The following ATP8A2 variants were observed in gnomAD, a reference collection of about 807,000 sequenced individuals.
The protein encoded by ATP8A2 is ATPase phospholipid transporting 8A2.
ATP8A2 carries 100 observed loss-of-function variants against 165.6 expected under a neutral mutation model. The observed-to-expected ratio is 0.60, with a 90% CI of 0.51 to 0.71. The LOEUF is 0.71. Among genes scored for constraint, ATP8A2 ranks in the 30% least tolerant of loss-of-function variants. The probability of loss-of-function intolerance (pLI) is 0.00; values close to 1 mark genes in which losing one functional copy is unlikely to be tolerated. For missense variants in ATP8A2, 1,227 were observed against 1,479.5 expected (o/e 0.83, Z 2.80); for synonymous variants, 543 against 548.8 (o/e 0.99, Z 0.15).
intron 34 of ATP8A2, among the ~76,000 whole-genome samples, chr13:25,963,464 G>T (rs1353058924): frequency 1.3e-5 from 2 of 151,828 alleles, no homozygotes; most frequent in African/African-American, 2.4e-5. Context: ...TCTGTTATTT[G>T]CTCTTTCAGC....
chr13:25,650,794 C>T (rs1412582268), intron 24 of ATP8A2, among the ~76,000 whole-genome samples: 1 of 152,098 alleles, frequency 6.6e-6, no homozygotes, highest in Non-Finnish European at 1.5e-5. Context: ...GAACTACATT[C>T]AATAATTTCC....
chr13:25,867,038 T>C (rs55934232), intron 33 of ATP8A2, among the ~76,000 whole-genome samples: 2,158 of 152,204 alleles, frequency 0.014, 31 homozygotes, highest in Non-Finnish European at 0.022. Context: ...TCATTGCTAG[T>C]AAGAGAGGGG....
In ATP8A2 at chr13:25,705,153, T is replaced by G. The variant is rs1472805235; in HGVS notation, c.2384+5808T>G. The G allele has an allele frequency of 2.3e-5, 10 of 433,796 alleles. 1 individual carries two copies. Among genetic ancestry groups the G allele is most frequent in the South Asian group, 1.7e-4 (10 of 60,014 alleles). The allele number at this position is 433,796 out of a possible 1,614,324, so 26.9% of individuals were successfully genotyped here. On this transcript the variant is annotated intron_variant, in intron 25 of 36. Transcript: ENST00000381655. ...CTTCCCCCTTTCTCATTTTCCCTTTTTCTTTGAAGGTCTTTATTTTTGTCC... is the reference window on the plus strand; with the variant it reads ...CTTCCCCCTTTCTCATTTTCCCTTTGTCTTTGAAGGTCTTTATTTTTGTCC...
At chr13:25,436,389 A>C (rs529664700) in intron 1 of ATP8A2, among the ~76,000 whole-genome samples, 10 of 152,194 alleles carry the variant, frequency 6.6e-5, no homozygotes, top group Non-Finnish European at 1.5e-4. Flanking sequence ...TGGTTAATTC[A>C]CTTCAGATAA....
At chr13:25,479,802 TG>T (rs2036107220) in intron 2 of ATP8A2, among the ~76,000 whole-genome samples, 1 of 151,948 alleles carries the variant, frequency 6.6e-6, no homozygotes, top group Non-Finnish European at 1.5e-5. Flanking sequence ...AGCACAGGGT[TG>T]GGGGGTAAGG....
At chr13:25,996,898 G>A (rs905949698) in intron 35 of ATP8A2, among the ~76,000 whole-genome samples, 1 of 152,320 alleles carries the variant, frequency 6.6e-6, no homozygotes, top group African/African-American at 2.4e-5. Context: ...TAGCCAGGCT[G>A]GTCTCGAACT....
intron 2 of ATP8A2, among the ~76,000 whole-genome samples, chr13:25,494,087 G>A (rs1293775156): frequency 1.3e-5 from 2 of 152,064 alleles, no homozygotes; most frequent in Admixed American, 1.3e-4. Context: ...CGGAGAGTTT[G>A]AGGAGAGAGA....
At chr13:25,613,807 A>G (rs911067781) in intron 24 of ATP8A2, among the ~76,000 whole-genome samples, 1 of 152,148 alleles carries the variant, frequency 6.6e-6, no homozygotes, top group Admixed American at 6.5e-5. Context: ...CTACTTGTTC[A>G]ATTCTGTTGC....
At chr13:25,399,559 C>T (rs112725810) in intron 1 of ATP8A2, among the ~76,000 whole-genome samples, 27 of 21,758 alleles carry the variant, frequency 1.2e-3, no homozygotes, top group African/African-American at 1.4e-3. Context: ...CCACCACGCC[C>T]GGCTAATTTT....
At chr13:25,469,218 C>G in intron 2 of ATP8A2, 97 bp downstream of exon 2, 2 of 1,441,330 alleles carry the variant, frequency 1.4e-6, no homozygotes, top group Non-Finnish European at 1.9e-6. Flanking sequence ...ACCTGGCCGG[C>G]CCCCGTCCAT....
intron 25 of ATP8A2, among the ~76,000 whole-genome samples, chr13:25,737,743 C>T (rs953141799): frequency 1.6e-4 from 24 of 152,154 alleles, no homozygotes; most frequent in Admixed American, 5.9e-4. Context: ...AGTGCAGTAG[C>T]GCGATCTCAG....
intron 33 of ATP8A2, among the ~76,000 whole-genome samples, chr13:25,941,946 C>T (rs1388889340): frequency 6.6e-6 from 1 of 152,194 alleles, no homozygotes; most frequent in Non-Finnish European, 1.5e-5. Context: ...GAAATGCTCT[C>T]GTTACTTTAC....
At chr13:25,938,172 T>TA (rs759243830) in intron 33 of ATP8A2, among the ~76,000 whole-genome samples, 3,414 of 133,906 alleles carry the variant, frequency 0.025, 101 homozygotes, top group African/African-American at 0.084. Context: ...GTGACCTGGT[T>TA]AAAAAAAAAA....
intron 34 of ATP8A2, among the ~76,000 whole-genome samples, chr13:25,967,957 G>T (rs961380493): frequency 7.2e-5 from 11 of 152,332 alleles, no homozygotes; most frequent in African/African-American, 2.2e-4. Context: ...AGGCCTGCGT[G>T]TGTGGACTCC....
intron 24 of ATP8A2, among the ~76,000 whole-genome samples, chr13:25,659,964 T>A (rs894439541): frequency 1.3e-5 from 2 of 152,218 alleles, no homozygotes; most frequent in Admixed American, 6.5e-5. Flanking sequence ...TTAGCCATTT[T>A]TTCCCTTTTA....
intron 1 of ATP8A2, among the ~76,000 whole-genome samples, chr13:25,419,341 T>A (rs2034228446): frequency 6.6e-6 from 1 of 152,110 alleles, no homozygotes; most frequent in African/African-American, 2.4e-5. Context: ...TACTTTCTTT[T>A]CCTCCCCCAT....
At chr13:25,554,057 A>C in intron 12 of ATP8A2, 137 bp downstream of exon 12, 1 of 900,892 alleles carries the variant, frequency 1.1e-6, no homozygotes, top group Non-Finnish European at 1.7e-6. Flanking sequence ...CATACAAAGA[A>C]CTGGCCAGGG....
rs187553526 is a variant in ATP8A2 at position 25,956,311 on chromosome 13, G to A, written c.3184-5264G>A. Among the ~76,000 whole-genome samples the A allele has an allele frequency of 8.2e-4, 125 of 152,304 alleles. 3 individuals are homozygous for A. The East Asian group carries it at 0.023, about 28-fold the overall frequency. The stretch of plus-strand genomic sequence containing the variant: ...AAAGAAATAAAGGGTATTCAAATAG[G>A]AAGAGAAGAAGTCAGATTGTCTCTG... On this transcript the variant is annotated intron_variant, in intron 33 of 36. Transcript: ENST00000381655.
At chr13:25,878,939 G>T (rs1476163257) in intron 33 of ATP8A2, among the ~76,000 whole-genome samples, 2 of 152,144 alleles carry the variant, frequency 1.3e-5, no homozygotes, top group Non-Finnish European at 2.9e-5. Context: ...CACTCCTGCA[G>T]CTGTGTCGTT....
Sources: gnomAD v4.1 joint callset for allele counts (sites outside exome capture counted in the v4.1 genomes callset) on GRCh38, gnomAD v4.1.1 for gene constraint, MANE v1.5 for transcripts, NCBI Gene and HGNC (gene_info 2026-07-23, HGNC 2026-07-21) for gene names.